Variants in GLIPR1L2 observed in about 807,000 individuals in gnomAD.
The protein encoded by GLIPR1L2 is GLIPR1-like protein 2.
GLIPR1L2 carries 21 observed loss-of-function variants against 28.4 expected under a neutral mutation model. The observed-to-expected ratio is 0.74, with a 90% CI of 0.52 to 1.06. The LOEUF is 1.06. Among genes scored for constraint, GLIPR1L2 ranks in the 50% least tolerant of loss-of-function variants. GLIPR1L2 has a pLI of 0.00. For synonymous variants in GLIPR1L2, 145 were observed against 139.3 expected, an observed-to-expected ratio of 1.04 and a Z score of -0.29; for missense variants, 476 against 416.9, an observed-to-expected ratio of 1.14 and a Z score of -1.23.
intron 1 of GLIPR1L2, among the ~76,000 whole-genome samples, chr12:75,399,832 A>C (rs1224079394): frequency 6.6e-6 from 1 of 152,240 alleles, no homozygotes; most frequent in Non-Finnish European, 1.5e-5. Flanking sequence ...AAGCAAAATG[A>C]TATAGTCCTT....
intron 4 of GLIPR1L2, among the ~76,000 whole-genome samples, chr12:75,425,546 C>T (rs1050347475): frequency 3.3e-5 from 5 of 152,116 alleles, no homozygotes; most frequent in South Asian, 4.1e-4. Flanking sequence ...GGTGTCCCAG[C>T]ACAGGGCCAG....
chr12:75,404,960 C>T (rs2139932140), intron 1 of GLIPR1L2, among the ~76,000 whole-genome samples: 1 of 152,204 alleles, frequency 6.6e-6, no homozygotes, highest in African/African-American at 2.4e-5. Flanking sequence ...TTTAAGTTTA[C>T]ACACTTTTAG....
chr12:75,428,329 G>T (rs1312641733), intron 4 of GLIPR1L2, among the ~76,000 whole-genome samples: 1 of 152,178 alleles, frequency 6.6e-6, no homozygotes, highest in Non-Finnish European at 1.5e-5. Context: ...GCTTGAGACA[G>T]ATGATTTAGG....
At chr12:75,392,499 A>G (rs1443430407) in intron 1 of GLIPR1L2, among the ~76,000 whole-genome samples, 1 of 152,180 alleles carries the variant, frequency 6.6e-6, no homozygotes, top group African/African-American at 2.4e-5. Context: ...ATGCTGTCTT[A>G]TAGAACTATG....
intron 3 of GLIPR1L2, among the ~76,000 whole-genome samples, chr12:75,419,816 A>T (rs1370642322): frequency 6.6e-6 from 1 of 152,242 alleles, no homozygotes; most frequent in Non-Finnish European, 1.5e-5. Flanking sequence ...ACAGAAAAAC[A>T]ACAGAGTTCA....
intron 3 of GLIPR1L2, 45 bp from the exon 4 acceptor site, chr12:75,422,859 T>C (rs906155131): frequency 1.4e-6 from 2 of 1,470,262 alleles, no homozygotes; most frequent in South Asian, 2.5e-5. Flanking sequence ...CATGTAAAAA[T>C]GGAAGCTTAT....
At chr12:75,402,798 A>G (rs1274063518) in intron 1 of GLIPR1L2, among the ~76,000 whole-genome samples, 2 of 152,140 alleles carry the variant, frequency 1.3e-5, no homozygotes, top group Non-Finnish European at 2.9e-5. Flanking sequence ...TCAGTTTAGC[A>G]AGAATCCCCC....
intron 3 of GLIPR1L2, among the ~76,000 whole-genome samples, chr12:75,416,339 C>T (rs927388486): frequency 2.1e-4 from 32 of 152,020 alleles, no homozygotes; most frequent in African/African-American, 7.2e-4. Flanking sequence ...TCTAAGTAGA[C>T]GAAGCTTCTG....
At chr12:75,420,831 A>G (rs969195317) in intron 3 of GLIPR1L2, among the ~76,000 whole-genome samples, 1 of 152,252 alleles carries the variant, frequency 6.6e-6, no homozygotes. Context: ...TGGCTGTCTA[A>G]TAGAAATAAT....
chr12:75,431,461 A>C lies in GLIPR1L2; in HGVS notation c.*300A>C. 1 of 248,004 alleles carries C rather than the reference A, an allele frequency of 4.0e-6. No individual in the cohort carries two copies. The allele number at this position is 248,004 out of a possible 1,614,324, so 15.4% of individuals were successfully genotyped here. A position where few individuals can be genotyped will look rare whatever the true frequency, so the allele number is the denominator to read the frequency against. Reference sequence around the variant, plus strand: ...GTCTAATTAATCTTAAGATTTCACCATGTTATTCTAATAAAGTAGGGAATT... The same window carrying C: ...GTCTAATTAATCTTAAGATTTCACCCTGTTATTCTAATAAAGTAGGGAATT... On this transcript the variant is annotated 3_prime_UTR_variant, in exon 6 of 6. Transcript: ENST00000550916.
intron 1 of GLIPR1L2, among the ~76,000 whole-genome samples, chr12:75,397,793 G>A (rs756621949): frequency 3.3e-5 from 5 of 152,026 alleles, no homozygotes; most frequent in Non-Finnish European, 7.4e-5. Context: ...TTGGTGGTCT[G>A]CTTCATTTAG....
chr12:75,409,880 TTATCTAATCCAATATATATAAGATTTA>T (rs1174818037), intron 1 of GLIPR1L2, among the ~76,000 whole-genome samples: 3 of 148,628 alleles, frequency 2.0e-5, no homozygotes, highest in African/African-American at 4.9e-5. Context: ...TATATGATGT[TTATCTAATCCAATATATATAAGATTTA>T]TATCTAATCC....
At chr12:75,417,278 A>C (rs958334855) in intron 3 of GLIPR1L2, among the ~76,000 whole-genome samples, 7 of 152,108 alleles carry the variant, frequency 4.6e-5, no homozygotes, top group African/African-American at 1.7e-4. Context: ...TGACCACAGC[A>C]GAAGCAGCTA....
intron 1 of GLIPR1L2, among the ~76,000 whole-genome samples, chr12:75,401,711 G>T (rs531157269): frequency 1.3e-5 from 2 of 152,142 alleles, no homozygotes; most frequent in East Asian, 3.9e-4. Context: ...AACAAAAAAT[G>T]TTGGTTGATA....
At chr12:75,391,877 AT>A (rs5799223) in intron 1 of GLIPR1L2, among the ~76,000 whole-genome samples, 6,124 of 147,438 alleles carry the variant, frequency 0.042, 136 homozygotes, top group East Asian at 0.052. Flanking sequence ...TGTTATCTTG[AT>A]TTTTTTTTTT....
Position 75,410,631 on chromosome 12 carries a change from C to G in GLIPR1L2, c.432C>G (p.Tyr144Ter), listed in dbSNP as rs201416567. The G allele has an allele frequency of 9.3e-5, 150 of 1,611,218 alleles. No individual in the cohort carries two copies. In the Middle Eastern group the frequency reaches 9.9e-4, roughly 11 times the overall value. Residue 144 changes from tyrosine (Y) to a stop codon, truncating the protein, a stop_gained, in exon 2 of 6, where the codon TAC becomes TAG. Transcript: ENST00000550916. LOFTEE classifies it high-confidence loss of function. Reference sequence around the variant, plus strand: ...GTTGGCATGCAGAGAAGAAAATGTACAATTTTGAAAATGGCAGTTGCTCTG... The same window carrying G: ...GTTGGCATGCAGAGAAGAAAATGTAGAATTTTGAAAATGGCAGTTGCTCTG... ...IRSWHAEKKM[Y>*]NFENGSCSGD...
At chr12:75,427,307 A>C (rs905261224) in intron 4 of GLIPR1L2, among the ~76,000 whole-genome samples, 4 of 152,222 alleles carry the variant, frequency 2.6e-5, no homozygotes, top group Non-Finnish European at 4.4e-5. Context: ...ATAACTGCTC[A>C]TACTAAGGTA....
At chr12:75,394,312 G>A (rs1226576878) in intron 1 of GLIPR1L2, among the ~76,000 whole-genome samples, 1 of 151,790 alleles carries the variant, frequency 6.6e-6, no homozygotes, top group Non-Finnish European at 1.5e-5. Flanking sequence ...TGTATTTTTT[G>A]TCGTATCCAA....
chr12:75,411,588 T>G (rs778661273), intron 2 of GLIPR1L2, among the ~76,000 whole-genome samples: 4 of 151,848 alleles, frequency 2.6e-5, no homozygotes, highest in Non-Finnish European at 5.9e-5. Context: ...ACTTTAATAC[T>G]CAATAAACTA....
Sources: gnomAD v4.1 joint callset for allele counts (sites outside exome capture counted in the v4.1 genomes callset) on GRCh38, gnomAD v4.1.1 for gene constraint, MANE v1.5 for transcripts, NCBI Gene and HGNC (gene_info 2026-07-23, HGNC 2026-07-21) for gene names.